FAM3D: variants seen among roughly 807,000 people sequenced by gnomAD.
FAM3D encodes the protein protein FAM3D.
A neutral mutation model predicts 29.8 loss-of-function variants in FAM3D; 26 were observed. That is an observed-to-expected ratio of 0.87 (90% confidence interval 0.64 to 1.21). FAM3D has a LOEUF of 1.21. Among genes scored for constraint, FAM3D ranks in the 50% most tolerant of loss-of-function variants. FAM3D has a pLI of 0.00. For synonymous variants in FAM3D, 115 were observed against 102.3 expected, an observed-to-expected ratio of 1.12 and a Z score of -0.75; for missense variants, 253 against 290.9, an observed-to-expected ratio of 0.87 and a Z score of 0.95.
chr3:58,638,128 C>T (rs1333163322), intron 7 of FAM3D, among the ~76,000 whole-genome samples: 1 of 152,200 alleles, frequency 6.6e-6, no homozygotes, highest in Non-Finnish European at 1.5e-5. Context: ...AGGTGATCTG[C>T]CTGTCTCGAC....
chr3:58,653,483 C>A (rs1263585118), intron 3 of FAM3D, among the ~76,000 whole-genome samples, 191 bp downstream of exon 3: 1 of 152,240 alleles, frequency 6.6e-6, no homozygotes, highest in Non-Finnish European at 1.5e-5. Context: ...CCTTGCAATG[C>A]ACCTCTGTTC....
chr3:58,665,524 G>C (rs967522383), intron 1 of FAM3D, among the ~76,000 whole-genome samples: 15 of 152,158 alleles, frequency 9.9e-5, no homozygotes, highest in African/African-American at 3.4e-4. Context: ...AACCATGTAT[G>C]ATACCTCATC....
At position 58,637,244 on chromosome 3, in the gene FAM3D, G is replaced by GGTGCT; in HGVS notation, c.374-24_374-20dup. The GGTGCT allele has an allele frequency of 1.3e-6, 2 of 1,598,262 alleles. No homozygotes were observed. The highest frequency in any genetic ancestry group is 1.7e-6 in the Non-Finnish European group (2 of 1,170,354). On this transcript the variant is annotated intron_variant, in intron 7 of 9. Coordinates refer to ENST00000358781, the MANE Select transcript of FAM3D (RefSeq NM_138805.3). ...ATAACATCTGGGGGAGGAAGGAAAA[G>GGTGCT]GTGCTGGTGATTTAGGGGAAATGAG...
chr3:58,651,626 T>G (rs1315011381), intron 3 of FAM3D, among the ~76,000 whole-genome samples: 2 of 152,168 alleles, frequency 1.3e-5, no homozygotes, highest in Non-Finnish European at 2.9e-5. Context: ...GATGTTGGCT[T>G]GTCAAACCCC....
At chr3:58,665,459 T>C (rs7433100) in intron 1 of FAM3D, among the ~76,000 whole-genome samples, 121,405 of 152,084 alleles carry the variant, frequency 0.8, 49,897 homozygotes, top group Non-Finnish European at 0.9. Context: ...CTCCATGGTG[T>C]ATGTCAAACT....
intron 7 of FAM3D, among the ~76,000 whole-genome samples, chr3:58,637,897 A>ATTATTATTATTC (rs1301796182): frequency 5.3e-5 from 8 of 151,510 alleles, no homozygotes; most frequent in Non-Finnish European, 2.9e-5. Context: ...TATTATTATT[A>ATTATTATTATTC]TTCTGACACA....
intron 1 of FAM3D, among the ~76,000 whole-genome samples, chr3:58,656,799 G>A (rs1403772559): frequency 6.6e-6 from 1 of 152,204 alleles, no homozygotes. Context: ...GCTCATGCCT[G>A]GCACAGCCCC....
chr3:58,648,156 G>A (rs2066531592), intron 4 of FAM3D, among the ~76,000 whole-genome samples: 1 of 152,370 alleles, frequency 6.6e-6, no homozygotes, highest in East Asian at 1.9e-4. Context: ...GTGTTTGATA[G>A]CAACAAGATG....
In FAM3D at chr3:58,634,321, C is replaced by T; in HGVS notation, c.633G>A (p.Glu211=). 6.2e-7 allele frequency: 1 copy of T among 1,614,108 alleles called. No individual in the cohort carries two copies. Among genetic ancestry groups the T allele is most frequent in the Non-Finnish European group, 8.5e-7 (1 of 1,180,012 alleles). ...GCATGCAGCCCTCCATCTCCAGCAG[C>T]TCTGGCCATCCCTCGTATTTGTTTG... The part of the protein sequence containing the change: ...PDTNKYEGWP[E]LLEMEGCMPP... The change falls in exon 10 of 10, where the codon GAG becomes GAA. Residue 211 remains glutamate (E), a synonymous_variant. Transcript: ENST00000358781. The surrounding 1 kb of genome is among the most constrained non-coding windows in gnomAD (Gnocchi z 4.6).
chr3:58,643,888 C>G (rs1308781128), intron 5 of FAM3D, among the ~76,000 whole-genome samples, 168 bp from the exon 6 acceptor site: 1 of 152,216 alleles, frequency 6.6e-6, no homozygotes, highest in Admixed American at 6.5e-5. Context: ...TAGTGGTGGG[C>G]TGGATTCTCT....
In FAM3D at chr3:58,635,408, G is replaced by C. The variant is rs1228933471; in HGVS notation, c.585+886C>G. The stretch of plus-strand genomic sequence containing the variant: ...AACAGACCGGCTTAGTCCCATTAGG[G>C]TGCTTGGTTCATTTTTGTGTGTCGG... On this transcript the variant is annotated intron_variant, in intron 9 of 9. Coordinates refer to ENST00000358781, the MANE Select transcript of FAM3D (RefSeq NM_138805.3). The surrounding 1 kb of genome is among the most constrained non-coding windows in gnomAD (Gnocchi z 5.2). Among the ~76,000 whole-genome samples, 1 of 152,138 alleles carries C rather than the reference G, an allele frequency of 6.6e-6. No homozygotes were observed. The highest frequency in any genetic ancestry group is 1.5e-5 in the Non-Finnish European group (1 of 68,026).
At chr3:58,663,747 C>T (rs1196977062) in intron 1 of FAM3D, among the ~76,000 whole-genome samples, 1 of 152,170 alleles carries the variant, frequency 6.6e-6, no homozygotes, top group Non-Finnish European at 1.5e-5. Flanking sequence ...TTCACCAGAA[C>T]ATTCCTCCAA....
intron 7 of FAM3D, among the ~76,000 whole-genome samples, chr3:58,639,764 G>A (rs753030692): frequency 6.6e-5 from 10 of 152,304 alleles, no homozygotes; most frequent in Non-Finnish European, 1.2e-4. Context: ...CTAGCTCTGC[G>A]GACTGCTCAC....
intron 1 of FAM3D, among the ~76,000 whole-genome samples, chr3:58,664,154 C>G (rs1158347233): frequency 6.6e-6 from 1 of 152,200 alleles, no homozygotes; most frequent in Non-Finnish European, 1.5e-5. Flanking sequence ...CTCAGTAGTT[C>G]ACTGCAAAAT....
At chr3:58,642,164 G>A (rs886607794) in intron 6 of FAM3D, among the ~76,000 whole-genome samples, 3 of 152,132 alleles carry the variant, frequency 2.0e-5, no homozygotes, top group Non-Finnish European at 2.9e-5. Context: ...GCAGAGGAAC[G>A]GCTGCACTCA....
chr3:58,666,253 C>T (rs995125154), intron 1 of FAM3D, among the ~76,000 whole-genome samples: 1 of 152,076 alleles, frequency 6.6e-6, no homozygotes, highest in African/African-American at 2.4e-5. Flanking sequence ...GCTGGCATGC[C>T]CTACAGCTCC....
chr3:58,660,340 C>A (rs2066907593), intron 1 of FAM3D, among the ~76,000 whole-genome samples: 1 of 152,144 alleles, frequency 6.6e-6, no homozygotes, highest in South Asian at 2.1e-4. Context: ...AGTCTCCCAT[C>A]ACCCCCAAAA....
rs2066092983 is a variant in FAM3D, at chr3:58,634,158, G to A, written c.*121C>T. ...GGAGAGGCGCGACACAGCGTGCAAG[G>A]ACCTGCAGCACCTTCCACGCAGCAC... On this transcript the variant is annotated 3_prime_UTR_variant, in exon 10 of 10. Coordinates refer to ENST00000358781, the MANE Select transcript of FAM3D (RefSeq NM_138805.3). This position sits in a 1 kb window ranked among gnomAD's most constrained non-coding sequence, Gnocchi z 4.6. 3.7e-6 allele frequency: 3 copies of A among 818,610 alleles called. No homozygotes were observed. Among genetic ancestry groups the A allele is most frequent in the East Asian group, 2.5e-5 (1 of 40,124 alleles). The allele number at this position is 818,610 out of a possible 1,614,324, so 50.7% of individuals were successfully genotyped here.
At chr3:58,649,178 A>C in intron 4 of FAM3D, 137 bp downstream of exon 4, 3 of 1,062,772 alleles carry the variant, frequency 2.8e-6, no homozygotes, top group Non-Finnish European at 4.1e-6. Context: ...AGGACTGGGA[A>C]GAATCAGGAA....
Sources: allele counts gnomAD v4.1 joint callset (sites outside exome capture counted in the v4.1 genomes callset), GRCh38; gene constraint gnomAD v4.1.1; non-coding constraint Gnocchi (gnomAD v3.1); transcripts MANE v1.5; gene names NCBI Gene and HGNC (gene_info 2026-07-23, HGNC 2026-07-21).